DMD: variants seen among roughly 807,000 people sequenced by gnomAD.
DMD encodes dystrophin.
Under a neutral mutation model 330.1 loss-of-function variants are expected in DMD, and 63 were observed. The observed-to-expected ratio is 0.19, with a 90% CI of 0.16 to 0.24. The LOEUF (loss-of-function observed/expected upper bound fraction) is 0.24. Among genes scored for constraint, DMD ranks in the 10% least tolerant of loss-of-function variants. The pLI, the probability that DMD is intolerant of heterozygous loss-of-function variation, is 1.00. For synonymous variants in DMD, 1,223 were observed against 959.8 expected, an observed-to-expected ratio of 1.27 and a Z score of -5.07; for missense variants, 3,344 against 2,684.1, an observed-to-expected ratio of 1.25 and a Z score of -5.43.
At chrX:31,671,452 G>T (rs776109068) in intron 53 of DMD, among the ~76,000 whole-genome samples, 1 of 112,306 alleles carries the variant, frequency 8.9e-6, no homozygotes, top group South Asian at 3.7e-4. Context: ...TATTAGGTTT[G>T]ATAATTTTTT....
intron 48 of DMD, among the ~76,000 whole-genome samples, chrX:31,848,289 T>C (rs1183779314): frequency 9.0e-6 from 1 of 111,618 alleles, no homozygotes; most frequent in Non-Finnish European, 1.9e-5. Flanking sequence ...AAACCTCTGA[T>C]ATCCAGGTCA....
chrX:32,813,526 G>T lies in DMD; in HGVS notation c.530+2942C>A. ...AGCATCTACGTCATGGAACTTGATT[G>T]AATATTTTACCTAGAACGGTGTCTA... On this transcript the variant is annotated intron_variant, in intron 6 of 78. Coordinates refer to ENST00000357033, the MANE Select transcript of DMD (RefSeq NM_004006.3). Among the ~76,000 whole-genome samples the T allele has an allele frequency of 1.8e-5, 2 of 111,944 alleles. 1 individual carries two copies. Among genetic ancestry groups the T allele is most frequent in the Middle Eastern group, 9.3e-3 (2 of 214 alleles).
chrX:31,873,159 G>A (rs1055902597), intron 48 of DMD, among the ~76,000 whole-genome samples: 2 of 111,230 alleles, frequency 1.8e-5, no homozygotes, highest in African/African-American at 3.3e-5. Flanking sequence ...ATTATGTCTC[G>A]TAAATTTAAT....
intron 55 of DMD, among the ~76,000 whole-genome samples, chrX:31,562,254 T>C (rs2075239269): frequency 8.9e-6 from 1 of 112,006 alleles, no homozygotes; most frequent in African/African-American, 3.2e-5. Context: ...TTGACCATCA[T>C]AGACAATGCC....
intron 63 of DMD, among the ~76,000 whole-genome samples, chrX:31,235,245 A>G (rs954054037): frequency 2.6e-4 from 29 of 111,765 alleles, no homozygotes; most frequent in Non-Finnish European, 7.5e-5. Flanking sequence ...TTATATGTCA[A>G]CCGCAAAGGT....
chrX:32,320,753 T>A (rs924230742), intron 41 of DMD, among the ~76,000 whole-genome samples: 1 of 111,987 alleles, frequency 8.9e-6, no homozygotes, highest in African/African-American at 3.2e-5. Flanking sequence ...TTGTTTCTTT[T>A]TCAAATTGCT....
chrX:33,117,754 T>C (rs1161639656), intron 1 of DMD, among the ~76,000 whole-genome samples: 11 of 111,631 alleles, frequency 9.9e-5, no homozygotes, highest in Non-Finnish European at 1.9e-4. Flanking sequence ...CCTTGCATCA[T>C]CGAGAACCTG....
intron 41 of DMD, among the ~76,000 whole-genome samples, chrX:32,335,615 A>AAACATGTTATATACATAACATATACAT (rs1391241998): frequency 9.4e-6 from 1 of 106,922 alleles, no homozygotes; most frequent in Non-Finnish European, 1.9e-5. Flanking sequence ...ATTATAAAAC[A>AAACATGTTATATACATAACATATACAT]AACATGTTAT....
chrX:31,458,089 C>T lies in DMD; in HGVS notation c.8938-13462G>A, dbSNP rs902450219. Among the ~76,000 whole-genome samples, 11 of 111,504 alleles carry T rather than the reference C, an allele frequency of 9.9e-5. No individual in the cohort carries two copies. In the East Asian group the frequency reaches 1.4e-3, roughly 14 times the overall value. ...AAAGTCAAACGAAAGGAACAGAAAACGAATTTTCTTCATTAAAATCTATGC... is the reference window on the plus strand; with the variant it reads ...AAAGTCAAACGAAAGGAACAGAAAATGAATTTTCTTCATTAAAATCTATGC... On this transcript the variant is annotated intron_variant, in intron 59 of 78. Transcript: ENST00000357033.
chrX:31,726,145 C>T (rs953030918), intron 52 of DMD, among the ~76,000 whole-genome samples: 7 of 112,310 alleles, frequency 6.2e-5, no homozygotes, highest in African/African-American at 2.3e-4. Context: ...AATTTACTCT[C>T]TTACCTAGAT....
At chrX:31,421,908 C>CATATATATATATATATATATATATATAT (rs1178326989) in intron 60 of DMD, among the ~76,000 whole-genome samples, 1 of 62,555 alleles carries the variant, frequency 1.6e-5, no homozygotes, top group African/African-American at 1.2e-4. Flanking sequence ...TATACACACA[C>CATATATATATATATATATATATATATAT]ACACACATAT....
chrX:33,201,014 T>A (rs1317761661), intron 1 of DMD, among the ~76,000 whole-genome samples: 2 of 89,300 alleles, frequency 2.2e-5, no homozygotes, highest in African/African-American at 8.5e-5. Context: ...TCACTGCAAC[T>A]TCCACCTCCC....
chrX:31,823,705 G>GC (rs2092825866), intron 49 of DMD, among the ~76,000 whole-genome samples: 1 of 110,039 alleles, frequency 9.1e-6, no homozygotes, highest in African/African-American at 3.3e-5. Context: ...CTCCTGAGTA[G>GC]CTACTCAGTA....
In DMD at chrX:31,467,228, T is replaced by A. The variant is rs771107159; in HGVS notation, c.8937+10878A>T. On this transcript the variant is annotated intron_variant, in intron 59 of 78. Coordinates refer to ENST00000357033, the MANE Select transcript of DMD (RefSeq NM_004006.3). ...TGAATACGAGTGGTGGGAGAGGGCA[T>A]CCTTGTCTTGTGCCGGTTTTTAAAG... 2.7e-5 allele frequency among the ~76,000 whole-genome samples: 3 copies of A among 111,659 alleles called. No individual in the cohort carries two copies. The East Asian group carries it at 8.5e-4, about 32-fold the overall frequency.
intron 2 of DMD, among the ~76,000 whole-genome samples, chrX:33,011,049 A>G (rs959625807): frequency 2.7e-5 from 3 of 111,665 alleles, no homozygotes; most frequent in African/African-American, 9.7e-5. Flanking sequence ...AAACAACTCT[A>G]CAAAAATGGT....
intron 55 of DMD, among the ~76,000 whole-genome samples, chrX:31,582,942 T>C (rs774851463): frequency 8.9e-5 from 10 of 112,290 alleles, no homozygotes; most frequent in South Asian, 3.7e-4. Flanking sequence ...GCTTAAATAA[T>C]TGGGTAGATG....
At chrX:31,635,701 C>T (rs766117833) in intron 54 of DMD, among the ~76,000 whole-genome samples, 6 of 111,745 alleles carry the variant, frequency 5.4e-5, no homozygotes, top group African/African-American at 1.3e-4. Context: ...ATTATGATAT[C>T]GAAATATTTG....
At chrX:32,777,698 CAA>C (rs943721615) in intron 7 of DMD, among the ~76,000 whole-genome samples, 3 of 112,155 alleles carry the variant, frequency 2.7e-5, no homozygotes, top group African/African-American at 9.7e-5. Context: ...AAATTTAAAA[CAA>C]AGACATTCTT....
At chrX:32,581,946 A>T (rs1330242187) in intron 13 of DMD, among the ~76,000 whole-genome samples, 1 of 112,067 alleles carries the variant, frequency 8.9e-6, no homozygotes, top group Non-Finnish European at 1.9e-5. Flanking sequence ...AAAGAAGAAA[A>T]ATACGACCAT....
Sources: gnomAD v4.1 joint callset for allele counts (sites outside exome capture counted in the v4.1 genomes callset) on GRCh38, gnomAD v4.1.1 for gene constraint, MANE v1.5 for transcripts, NCBI Gene and HGNC (gene_info 2026-07-23, HGNC 2026-07-21) for gene names.